PRTFDC1: variants seen among roughly 807,000 people sequenced by gnomAD.
PRTFDC1 encodes the protein phosphoribosyltransferase domain-containing protein 1.
PRTFDC1 carries 38 observed loss-of-function variants against 34.6 expected under a neutral mutation model. The ratio of observed to expected loss-of-function variants is 1.10; its 90% CI spans 0.85 to 1.44. The LOEUF is 1.44. Among genes scored for constraint, PRTFDC1 ranks in the 40% most tolerant of loss-of-function variants. The pLI is 0.00. For missense variants in PRTFDC1, 270 were observed against 283.0 expected, an observed-to-expected ratio of 0.95 and a Z score of 0.33; for synonymous variants, 93 against 98.1, an observed-to-expected ratio of 0.95 and a Z score of 0.31.
chr10:24,895,687 G>GTATATATATATATA (rs1565269461), intron 3 of PRTFDC1, among the ~76,000 whole-genome samples: 1 of 30,834 alleles, frequency 3.2e-5, no homozygotes, highest in African/African-American at 1.2e-4. Context: ...GAGCTGGGGT[G>GTATATATATATATA]GATATATATA....
chr10:24,943,090 A>T (rs550042591), intron 1 of PRTFDC1, among the ~76,000 whole-genome samples: 94 of 149,682 alleles, frequency 6.3e-4, no homozygotes, highest in African/African-American at 2.1e-3. Flanking sequence ...ATATCATAAT[A>T]AACAACATAT....
intron 1 of PRTFDC1, among the ~76,000 whole-genome samples, chr10:24,951,047 C>T (rs1219525353): frequency 6.6e-6 from 1 of 152,144 alleles, no homozygotes; most frequent in Non-Finnish European, 1.5e-5. Flanking sequence ...TGCCCCTCCT[C>T]CTGGGGCAAC....
chr10:24,882,078 G>A (rs923993993), intron 3 of PRTFDC1, among the ~76,000 whole-genome samples: 2 of 151,574 alleles, frequency 1.3e-5, no homozygotes, highest in East Asian at 1.9e-4. Context: ...GTGGTGGCAC[G>A]CACTTGTAAT....
intron 3 of PRTFDC1, among the ~76,000 whole-genome samples, chr10:24,880,933 CCT>C (rs1565264600): frequency 6.9e-6 from 1 of 144,908 alleles, no homozygotes; most frequent in Non-Finnish European, 1.5e-5. Context: ...CTTTCTTTCC[CCT>C]TTCTTTCTTT....
intron 3 of PRTFDC1, among the ~76,000 whole-genome samples, chr10:24,903,585 A>G (rs1217148523): frequency 1.3e-5 from 2 of 152,204 alleles, no homozygotes; most frequent in Non-Finnish European, 2.9e-5. Flanking sequence ...AGTCCCAGAG[A>G]GTACTGAAGT....
chr10:24,914,316 G>A (rs1564311226), intron 3 of PRTFDC1, among the ~76,000 whole-genome samples: 1 of 152,124 alleles, frequency 6.6e-6, no homozygotes, highest in Non-Finnish European at 1.5e-5. Context: ...AAAATAAAAA[G>A]AGAGTCATAG....
At chr10:24,860,306 G>T (rs1390407726) in intron 4 of PRTFDC1, among the ~76,000 whole-genome samples, 1 of 152,064 alleles carries the variant, frequency 6.6e-6, no homozygotes, top group African/African-American at 2.4e-5. Flanking sequence ...ACTTGAAACC[G>T]GGAGGCGGAG....
At chr10:24,940,313 T>C (rs1037126749) in intron 2 of PRTFDC1, among the ~76,000 whole-genome samples, 1 of 152,154 alleles carries the variant, frequency 6.6e-6, no homozygotes, top group Admixed American at 6.5e-5. Context: ...AGTAAATATT[T>C]GCAAATCATA....
At chr10:24,863,125 G>A (rs1847710257) in intron 4 of PRTFDC1, among the ~76,000 whole-genome samples, 2 of 152,106 alleles carry the variant, frequency 1.3e-5, no homozygotes, top group African/African-American at 4.8e-5. Context: ...GTGATCCGCT[G>A]GCTTGGCCTC....
At chr10:24,910,341 C>T (rs1475876101) in intron 3 of PRTFDC1, among the ~76,000 whole-genome samples, 3 of 152,080 alleles carry the variant, frequency 2.0e-5, no homozygotes, top group African/African-American at 4.8e-5. Context: ...ATTGAATTCT[C>T]GTTTTAAAAG....
intron 4 of PRTFDC1, among the ~76,000 whole-genome samples, chr10:24,864,008 C>G (rs1171782103): frequency 1.1e-5 from 1 of 91,902 alleles, no homozygotes; most frequent in East Asian, 2.9e-4. Context: ...AGCAACAACT[C>G]GTCTCAAAAA....
chr10:24,883,848 A>G (rs1738610389), intron 3 of PRTFDC1, among the ~76,000 whole-genome samples: 1 of 143,272 alleles, frequency 7.0e-6, no homozygotes, highest in Admixed American at 7.1e-5. Context: ...TTTATAAGAC[A>G]GAATCTCACT....
At chr10:24,883,754 C>G (rs1358773926) in intron 3 of PRTFDC1, among the ~76,000 whole-genome samples, 1 of 151,672 alleles carries the variant, frequency 6.6e-6, no homozygotes, top group African/African-American at 2.4e-5. Flanking sequence ...CCAAAGACTC[C>G]AGCAAAGTTT....
At chr10:24,912,022 A>C (rs1848633851) in intron 3 of PRTFDC1, among the ~76,000 whole-genome samples, 1 of 152,050 alleles carries the variant, frequency 6.6e-6, no homozygotes, top group Admixed American at 6.6e-5. Flanking sequence ...TAATCCCAGC[A>C]CTTTGGGAGG....
intron 4 of PRTFDC1, among the ~76,000 whole-genome samples, chr10:24,862,856 C>T (rs1028396136): frequency 9.9e-5 from 15 of 151,836 alleles, no homozygotes; most frequent in Admixed American, 5.3e-4. Flanking sequence ...CTGGGATCAG[C>T]GATCTTTAAT....
chr10:24,881,329 C>T (rs1848077285), intron 3 of PRTFDC1, among the ~76,000 whole-genome samples: 1 of 152,094 alleles, frequency 6.6e-6, no homozygotes, highest in African/African-American at 2.4e-5. Context: ...CTTGGCCTCC[C>T]AAAGCACCTG....
At chr10:24,897,426 C>T (rs550579808) in intron 3 of PRTFDC1, among the ~76,000 whole-genome samples, 1 of 152,298 alleles carries the variant, frequency 6.6e-6, no homozygotes, top group African/African-American at 2.4e-5. Flanking sequence ...GGCTTCTCTT[C>T]CCCTCCTCTC....
chr10:24,858,661 G>A (rs556236144), intron 4 of PRTFDC1, among the ~76,000 whole-genome samples: 6 of 152,074 alleles, frequency 3.9e-5, no homozygotes, highest in African/African-American at 9.7e-5. Flanking sequence ...CCTGTCTGAC[G>A]AGCTCTCCAT....
At chr10:24,937,731 T>C (rs963815254) in intron 2 of PRTFDC1, among the ~76,000 whole-genome samples, 5 of 152,044 alleles carry the variant, frequency 3.3e-5, no homozygotes, top group East Asian at 3.9e-4. Flanking sequence ...CTAATTTTTG[T>C]ATTTTTAGTA....
Sources: gnomAD v4.1 joint callset for allele counts (sites outside exome capture counted in the v4.1 genomes callset) on GRCh38, gnomAD v4.1.1 for gene constraint, MANE v1.5 for transcripts, NCBI Gene and HGNC (gene_info 2026-07-23, HGNC 2026-07-21) for gene names.